The following DPP6 variants were observed in gnomAD, a reference collection of about 807,000 sequenced individuals.
The protein encoded by DPP6 is A-type potassium channel modulatory protein DPP6.
A neutral mutation model predicts 122.6 loss-of-function variants in DPP6; 69 were observed. The ratio of observed to expected loss-of-function variants is 0.56; its 90% CI spans 0.46 to 0.69. The LOEUF (loss-of-function observed/expected upper bound fraction) is 0.69, where lower values mean the gene tolerates loss of function less well. Among genes scored for constraint, DPP6 ranks in the 30% least tolerant of loss-of-function variants. DPP6 has a pLI of 0.00. For missense variants in DPP6, 928 were observed against 1,116.9 expected, an observed-to-expected ratio of 0.83 and a Z score of 2.41; for synonymous variants, 418 against 433.1, an observed-to-expected ratio of 0.97 and a Z score of 0.43.
At chr7:154,882,784 G>T (rs1464822704) in intron 21 of DPP6, among the ~76,000 whole-genome samples, 1 of 152,184 alleles carries the variant, frequency 6.6e-6, no homozygotes, top group Non-Finnish European at 1.5e-5. Flanking sequence ...AAGTAAGGAC[G>T]TGTGGAGTTC....
chr7:154,677,333 T>C (rs925463006), intron 7 of DPP6, among the ~76,000 whole-genome samples: 2 of 152,152 alleles, frequency 1.3e-5, no homozygotes, highest in Middle Eastern at 3.2e-3. Context: ...CCCAGAACCG[T>C]GTCTTGACAC....
Position 154,637,879 on chromosome 7 carries a change from A to G in DPP6, c.680+6A>G. 2 of 1,569,308 alleles carry G rather than the reference A, an allele frequency of 1.3e-6. No individual in the cohort carries two copies. The highest frequency in any genetic ancestry group is 1.7e-4 in the Middle Eastern group (1 of 6,008). On this transcript the variant is annotated splice_donor_region_variant and intron_variant, in intron 6 of 25. Coordinates refer to ENST00000377770, the MANE Select transcript of DPP6 (RefSeq NM_130797.4). ...CTGAGCAAAATTCCTCATGGGTAAGAGTGTTCTTTTCTTTCTTTTAATTAG... is the reference window on the plus strand; with the variant it reads ...CTGAGCAAAATTCCTCATGGGTAAGGGTGTTCTTTTCTTTCTTTTAATTAG...
chr7:154,160,985 G>A (rs1242324738), intron 1 of DPP6, among the ~76,000 whole-genome samples: 3 of 152,144 alleles, frequency 2.0e-5, no homozygotes, highest in African/African-American at 7.2e-5. Flanking sequence ...AAAAATACCA[G>A]TTCCTTTACA....
At chr7:153,912,186 TGAA>T (rs758567971) in intron 1 of DPP6, among the ~76,000 whole-genome samples, 73 of 152,342 alleles carry the variant, frequency 4.8e-4, no homozygotes, top group Middle Eastern at 3.4e-3. Context: ...TTTTTGCCAC[TGAA>T]GAAGTTCAGA....
the DPP6 span, among the ~76,000 whole-genome samples, chr7:153,811,007 C>T: frequency 0.012 from 1,772 of 151,948 alleles, 39 homozygotes; most frequent in African/African-American, 0.04. Flanking sequence ...TAACACACAG[C>T]GGCAAACAGG....
chr7:154,114,656 G>A (rs1195364612), intron 1 of DPP6, among the ~76,000 whole-genome samples: 1 of 152,130 alleles, frequency 6.6e-6, no homozygotes, highest in African/African-American at 2.4e-5. Context: ...TCAACTCCCA[G>A]GCACCCAGCA....
chr7:154,731,557 G>GCACTGGCTGTGAACTCAT (rs1210073095), intron 8 of DPP6, among the ~76,000 whole-genome samples: 12 of 152,270 alleles, frequency 7.9e-5, no homozygotes, highest in Admixed American at 3.3e-4. Flanking sequence ...TGTGAACTCA[G>GCACTGGCTGTGAACTCAT]CACTGGCTGT....
chr7:153,761,377 G>C, the DPP6 span, among the ~76,000 whole-genome samples: 1 of 152,302 alleles, frequency 6.6e-6, no homozygotes, highest in African/African-American at 2.4e-5. Context: ...TATTGAATAA[G>C]TTAAATATAA....
chr7:154,794,459 C>A (rs774935351), intron 11 of DPP6, among the ~76,000 whole-genome samples: 4 of 152,226 alleles, frequency 2.6e-5, no homozygotes, highest in African/African-American at 9.6e-5. Flanking sequence ...ACCTGGACGC[C>A]GTCCGCAGTT....
chr7:154,363,161 G>A (rs1586057915), intron 1 of DPP6, among the ~76,000 whole-genome samples: 2 of 152,306 alleles, frequency 1.3e-5, no homozygotes, highest in African/African-American at 4.8e-5. Flanking sequence ...CCTGGTATAA[G>A]GCCACAGAAG....
rs1805011167 is a variant in DPP6, at chr7:154,877,697, C to T, written c.2078+1597C>T. On this transcript the variant is annotated intron_variant, in intron 20 of 25. Coordinates refer to ENST00000377770, the MANE Select transcript of DPP6 (RefSeq NM_130797.4). This position sits in a 1 kb window ranked among gnomAD's most constrained non-coding sequence, Gnocchi z 5.2. ...ACTTCCAGAAAGGAAAGGAAAGTCT[C>T]CCCACAAGCAGACAGCAAACCTCTC... 6.6e-6 allele frequency among the ~76,000 whole-genome samples: 1 copy of T among 152,152 alleles called. No homozygotes were observed. Among genetic ancestry groups the T allele is most frequent in the Non-Finnish European group, 1.5e-5 (1 of 68,026 alleles).
At chr7:154,769,170 T>C (rs1407813981) in intron 8 of DPP6, among the ~76,000 whole-genome samples, 1 of 152,192 alleles carries the variant, frequency 6.6e-6, no homozygotes. Context: ...GATTAGCATC[T>C]GTTTGATTGA....
intron 1 of DPP6, among the ~76,000 whole-genome samples, chr7:154,304,778 G>A (rs985432997): frequency 6.6e-6 from 1 of 152,214 alleles, no homozygotes; most frequent in Non-Finnish European, 1.5e-5. Context: ...TGCCTCCGGT[G>A]CTCCCAGACC....
intron 1 of DPP6, among the ~76,000 whole-genome samples, chr7:154,042,386 A>G (rs947626658): frequency 3.3e-5 from 5 of 152,210 alleles, no homozygotes; most frequent in African/African-American, 1.2e-4. Context: ...AGAAGAATAC[A>G]TGAACCATGC....
intron 1 of DPP6, among the ~76,000 whole-genome samples, chr7:154,076,187 C>T (rs1007235431): frequency 1.2e-4 from 18 of 152,288 alleles, no homozygotes; most frequent in African/African-American, 4.1e-4. Flanking sequence ...CAGTGCCTCA[C>T]ACCTATAATC....
At chr7:153,999,054 A>T (rs1156380589) in intron 1 of DPP6, among the ~76,000 whole-genome samples, 1 of 152,192 alleles carries the variant, frequency 6.6e-6, no homozygotes, top group East Asian at 1.9e-4. Context: ...GCTAAGCCCC[A>T]TCATGCCCCT....
intron 5 of DPP6, among the ~76,000 whole-genome samples, chr7:154,591,597 G>A (rs1832812166): frequency 6.6e-6 from 1 of 152,176 alleles, no homozygotes. Flanking sequence ...GGGGCGTGCA[G>A]TTCCTCAGAT....
At chr7:154,351,600 G>A (rs1810863195) in intron 1 of DPP6, among the ~76,000 whole-genome samples, 3 of 152,182 alleles carry the variant, frequency 2.0e-5, no homozygotes, top group Admixed American at 6.5e-5. Context: ...GCATCTAGCA[G>A]GGTGTACCCT....
chr7:154,338,325 G>A (rs1809612104), intron 1 of DPP6, among the ~76,000 whole-genome samples: 1 of 152,062 alleles, frequency 6.6e-6, no homozygotes, highest in Admixed American at 6.5e-5. Context: ...TCTTGTCTGA[G>A]AGATATCTTA....
Sources: allele counts gnomAD v4.1 joint callset (sites outside exome capture counted in the v4.1 genomes callset), GRCh38; gene constraint gnomAD v4.1.1; non-coding constraint Gnocchi (gnomAD v3.1); transcripts MANE v1.5; gene names NCBI Gene and HGNC (gene_info 2026-07-23, HGNC 2026-07-21).